The following PREX2 variants were observed in gnomAD, a reference collection of about 807,000 sequenced individuals.
The protein encoded by PREX2 is phosphatidylinositol-3,4,5-trisphosphate dependent Rac exchange factor 2, also known as phosphatidylinositol 3,4,5-trisphosphate-dependent Rac exchanger 2 protein.
PREX2 carries 107 observed loss-of-function variants against 203.2 expected under a neutral mutation model. That is an observed-to-expected ratio of 0.53 (90% CI 0.45 to 0.62). The LOEUF (loss-of-function observed/expected upper bound fraction) is 0.62. PREX2 is among the 20% of genes least tolerant of loss of function. The pLI is 0.00. For missense variants in PREX2, 1,777 were observed against 1,955.9 expected, an observed-to-expected ratio of 0.91 and a Z score of 1.72; for synonymous variants, 672 against 663.6, an observed-to-expected ratio of 1.01 and a Z score of -0.19.
At chr8:68,059,323 C>A (rs1808776241) in intron 10 of PREX2, among the ~76,000 whole-genome samples, 1 of 151,756 alleles carries the variant, frequency 6.6e-6, no homozygotes, top group Non-Finnish European at 1.5e-5. Flanking sequence ...ATAGCTGAGG[C>A]TCTCCTAAGT....
chr8:68,027,071 G>C (rs1432213361), intron 4 of PREX2, 151 bp from the exon 5 acceptor site: 1 of 648,424 alleles, frequency 1.5e-6, no homozygotes, highest in Non-Finnish European at 2.7e-6. Flanking sequence ...TTGTCTCTCT[G>C]TGAGTGTTTG....
intron 6 of PREX2, among the ~76,000 whole-genome samples, chr8:68,031,617 A>C (rs1342439647): frequency 6.6e-6 from 1 of 152,164 alleles, no homozygotes; most frequent in Non-Finnish European, 1.5e-5. Flanking sequence ...TCTCCTGTGA[A>C]TCTTTTAAAA....
At chr8:68,192,140 G>T (rs943168682) in intron 36 of PREX2, among the ~76,000 whole-genome samples, 195 bp from the exon 37 acceptor site, 2 of 152,122 alleles carry the variant, frequency 1.3e-5, no homozygotes, top group African/African-American at 4.8e-5. Context: ...ATTGCAGTTA[G>T]TGCTATTGGC....
In PREX2 at chr8:68,109,647, T is replaced by C. The variant is rs73264933; in HGVS notation, c.3146+24T>C. The C allele has an allele frequency of 2.2e-3, 3,402 of 1,577,328 alleles. 58 individuals are homozygous for C. The African/African-American group carries it at 0.04, about 19-fold the overall frequency. On this transcript the variant is annotated intron_variant, in intron 25 of 39. Coordinates refer to ENST00000288368, the MANE Select transcript of PREX2 (RefSeq NM_024870.4). ...GAGTAAGTGTTTTGTACTACACTTT[T>C]AAGTTTGCCAAATAAAATAGCCATA...
chr8:68,003,816 C>T (rs1163971320), intron 1 of PREX2, among the ~76,000 whole-genome samples: 1 of 150,328 alleles, frequency 6.7e-6, no homozygotes, highest in Non-Finnish European at 1.5e-5. Context: ...CTATATCAGC[C>T]TCCACAGGAG....
At chr8:67,957,794 A>C (rs1440874533) in intron 1 of PREX2, among the ~76,000 whole-genome samples, 4 of 152,222 alleles carry the variant, frequency 2.6e-5, no homozygotes, top group African/African-American at 9.6e-5. Context: ...TATGGACTGA[A>C]TTGTTTCCCT....
At chr8:68,075,268 C>T (rs1199004065) in intron 14 of PREX2, among the ~76,000 whole-genome samples, 1 of 152,164 alleles carries the variant, frequency 6.6e-6, no homozygotes, top group Non-Finnish European at 1.5e-5. Flanking sequence ...GCCAGTGTTT[C>T]ATTTGAATAA....
At chr8:68,086,079 A>G (rs865842965) in intron 18 of PREX2, among the ~76,000 whole-genome samples, 1 of 152,210 alleles carries the variant, frequency 6.6e-6, no homozygotes, top group Non-Finnish European at 1.5e-5. Flanking sequence ...ACTGATAACT[A>G]TGTGTTATTC....
chr8:68,032,729 A>G (rs886124429), intron 6 of PREX2, among the ~76,000 whole-genome samples: 5 of 152,152 alleles, frequency 3.3e-5, no homozygotes, highest in African/African-American at 1.2e-4. Flanking sequence ...TGACTTGCTG[A>G]TGGTGATCCT....
At chr8:68,143,912 C>G (rs920525926) in intron 33 of PREX2, among the ~76,000 whole-genome samples, 2 of 151,990 alleles carry the variant, frequency 1.3e-5, no homozygotes, top group African/African-American at 4.8e-5. Context: ...CATGTAGATG[C>G]CCAGTTCTTC....
rs960968904 is a variant in PREX2, at chr8:68,053,033, AG to A, written c.944-63del. ...TTGGAACTTTTGTGTATTGAATGAT[AG>A]TGTGGATATAATAATATTGTGTATT... is the stretch of plus-strand genomic sequence containing the variant. On this transcript the variant is annotated intron_variant, in intron 8 of 39. Transcript: ENST00000288368. 6.3e-6 allele frequency: 9 copies of A among 1,417,526 alleles called. No homozygotes were observed. The African/African-American group carries it at 1.1e-4, about 18-fold the overall frequency. 87.8% of individuals were successfully genotyped at this position (1,417,526 alleles called of 1,614,324 possible).
chr8:68,216,130 C>A (rs1812833793), intron 37 of PREX2, among the ~76,000 whole-genome samples: 1 of 152,348 alleles, frequency 6.6e-6, no homozygotes, highest in Non-Finnish European at 1.5e-5. Flanking sequence ...CACAGTTGCA[C>A]TTTGTGAGGT....
In PREX2 at chr8:68,236,070, G is replaced by A. The variant is rs1813258933; in HGVS notation, c.*4692G>A. On this transcript the variant is annotated 3_prime_UTR_variant, in exon 40 of 40. Transcript: ENST00000288368. ...TTAATAAGATTGTTTTGTTTTGTATGAATGTACGACAAATCGAGTTGTTCA... is the reference window on the plus strand; with the variant it reads ...TTAATAAGATTGTTTTGTTTTGTATAAATGTACGACAAATCGAGTTGTTCA... The A allele has an allele frequency of 6.6e-6, 1 of 152,090 alleles. No individual in the cohort carries two copies. Among genetic ancestry groups the A allele is most frequent in the Non-Finnish European group, 1.5e-5 (1 of 68,000 alleles). 9.4% of individuals were successfully genotyped at this position (152,090 alleles called of 1,614,324 possible). A position where few individuals can be genotyped will look rare whatever the true frequency, so the allele number is the denominator to read the frequency against.
At chr8:68,046,448 A>G (rs1808353974) in intron 8 of PREX2, among the ~76,000 whole-genome samples, 1 of 152,082 alleles carries the variant, frequency 6.6e-6, no homozygotes, top group East Asian at 1.9e-4. Flanking sequence ...TGAATTGCAC[A>G]GATGGTTCTT....
At chr8:67,963,109 T>C (rs1017128942) in intron 1 of PREX2, among the ~76,000 whole-genome samples, 1 of 152,120 alleles carries the variant, frequency 6.6e-6, no homozygotes, top group Non-Finnish European at 1.5e-5. Context: ...CCCATGCAGA[T>C]AAGTGTGGGC....
At chr8:68,181,633 T>G (rs1585849102) in intron 35 of PREX2, among the ~76,000 whole-genome samples, 2 of 152,106 alleles carry the variant, frequency 1.3e-5, no homozygotes, top group East Asian at 3.9e-4. Flanking sequence ...TTTATTATGC[T>G]TGGCAGGTTT....
At chr8:68,137,948 T>C (rs1225157465) in intron 32 of PREX2, among the ~76,000 whole-genome samples, 3 of 152,230 alleles carry the variant, frequency 2.0e-5, no homozygotes, top group Non-Finnish European at 4.4e-5. Flanking sequence ...TTAATCACAG[T>C]TACTAAATAT....
At chr8:68,111,069 A>C in intron 25 of PREX2, 1 of 252,208 alleles carries the variant, frequency 4.0e-6, no homozygotes, top group Non-Finnish European at 8.0e-6. Context: ...TCATTTAATA[A>C]ATGAGATTTT....
chr8:68,113,920 G>A (rs1810587252), intron 25 of PREX2, among the ~76,000 whole-genome samples: 1 of 152,120 alleles, frequency 6.6e-6, no homozygotes, highest in Non-Finnish European at 1.5e-5. Context: ...GGAGTGCAGT[G>A]GTGTGATCTA....
Sources: gnomAD v4.1 joint callset for allele counts (sites outside exome capture counted in the v4.1 genomes callset) on GRCh38, gnomAD v4.1.1 for gene constraint, MANE v1.5 for transcripts, NCBI Gene and HGNC (gene_info 2026-07-23, HGNC 2026-07-21) for gene names.